Variants in TGFBR3 observed in about 807,000 individuals in gnomAD.
TGFBR3 encodes the protein transforming growth factor beta receptor type 3.
In TGFBR3, 46 loss-of-function variants were observed where a neutral mutation model predicts 87.9. The observed-to-expected ratio is 0.52, with a 90% CI of 0.41 to 0.67. The LOEUF is 0.67. Ranked by LOEUF, TGFBR3 falls within the 30% of genes least tolerant of loss-of-function variation. TGFBR3 has a pLI of 0.00. For missense variants in TGFBR3, 866 were observed against 1,041.9 expected, an observed-to-expected ratio of 0.83 and a Z score of 2.32; for synonymous variants, 381 against 391.6, an observed-to-expected ratio of 0.97 and a Z score of 0.32.
intron 2 of TGFBR3, among the ~76,000 whole-genome samples, chr1:91,894,856 C>T (rs1209191540): frequency 3.3e-5 from 5 of 152,204 alleles, no homozygotes; most frequent in African/African-American, 7.2e-5. Context: ...CTGCAACTTC[C>T]GCCTCCTGGG....
At chr1:91,864,580 T>C (rs1678315625) in intron 1 of TGFBR3, among the ~76,000 whole-genome samples, 1 of 152,172 alleles carries the variant, frequency 6.6e-6, no homozygotes, top group Non-Finnish European at 1.5e-5. Flanking sequence ...CAGAAGGTTT[T>C]TGTCTAATCT....
chr1:91,777,750 G>A (rs12751910), intron 3 of TGFBR3, among the ~76,000 whole-genome samples: 41,438 of 152,000 alleles, frequency 0.27, 6,101 homozygotes, highest in Middle Eastern at 0.44. Flanking sequence ...CTACGTCTCC[G>A]TACTTTCTGT....
intron 1 of TGFBR3, chr1:91,864,041 C>A (rs778463510): frequency 6.6e-6 from 1 of 152,156 alleles, no homozygotes; most frequent in Non-Finnish European, 1.5e-5. Flanking sequence ...AAGGAAAAAC[C>A]TCTCTGAAAC....
chr1:91,734,404 T>C (rs1451027885), intron 5 of TGFBR3, among the ~76,000 whole-genome samples: 3 of 152,202 alleles, frequency 2.0e-5, no homozygotes, highest in African/African-American at 7.2e-5. Flanking sequence ...TGCTGACCCA[T>C]TCATTCTGCC....
intron 1 of TGFBR3, among the ~76,000 whole-genome samples, chr1:91,877,899 G>A (rs941049961): frequency 2.6e-5 from 4 of 152,078 alleles, no homozygotes; most frequent in African/African-American, 9.7e-5. Flanking sequence ...AAAATGAATA[G>A]GAATGTCTAT....
intron 10 of TGFBR3, among the ~76,000 whole-genome samples, chr1:91,718,232 C>T (rs370521447): frequency 6.6e-6 from 1 of 152,166 alleles, no homozygotes; most frequent in African/African-American, 2.4e-5. Context: ...TCAGTTTCCT[C>T]ACCTGTGAAA....
intron 3 of TGFBR3, among the ~76,000 whole-genome samples, chr1:91,784,349 A>G (rs554048332): frequency 2.6e-5 from 4 of 152,318 alleles, no homozygotes; most frequent in Admixed American, 1.3e-4. Context: ...ACTTTCAGTT[A>G]TACTCTAAAT....
At chr1:91,858,135 T>C (rs1373822753) in intron 2 of TGFBR3, among the ~76,000 whole-genome samples, 3 of 152,196 alleles carry the variant, frequency 2.0e-5, no homozygotes, top group Admixed American at 2.0e-4. Context: ...AGAGTATTTA[T>C]GAGGATGAAA....
At chr1:91,725,236 C>T (rs973866607) in intron 7 of TGFBR3, among the ~76,000 whole-genome samples, 5 of 152,108 alleles carry the variant, frequency 3.3e-5, no homozygotes, top group Admixed American at 6.5e-5. Context: ...GCCCCACCCC[C>T]GACACACACA....
chr1:91,826,982 G>A (rs1005966712), intron 2 of TGFBR3, among the ~76,000 whole-genome samples: 5 of 152,062 alleles, frequency 3.3e-5, no homozygotes, highest in African/African-American at 7.2e-5. Flanking sequence ...AGATTTTAAC[G>A]GAGAAAAAAA....
In TGFBR3 at chr1:91,821,443, T is replaced by C. The variant is rs563567330; in HGVS notation, c.62-23972A>G. On this transcript the variant is annotated intron_variant, in intron 2 of 16. Coordinates refer to ENST00000212355, the MANE Select transcript of TGFBR3 (RefSeq NM_003243.5). ...AATGTGTTTTTGAATATTACTTAGA[T>C]AATTAAAAATTTAAAAATATGCTCT... 9.2e-5 allele frequency among the ~76,000 whole-genome samples: 14 copies of C among 152,216 alleles called. No homozygotes were observed. The South Asian group carries it at 2.9e-3, about 32-fold the overall frequency.
rs940001915 is a variant in TGFBR3, at chr1:91,681,387, A to AT, written c.*2351dup. 5 of 404,210 alleles carry AT rather than the reference A, an allele frequency of 1.2e-5. No homozygotes were observed. The highest frequency in any genetic ancestry group is 4.2e-5 in the African/African-American group (2 of 47,842). The allele number at this position is 404,210 out of a possible 1,614,324, so 25.0% of individuals were successfully genotyped here. On this transcript the variant is annotated 3_prime_UTR_variant, in exon 17 of 17. Coordinates refer to ENST00000212355, the MANE Select transcript of TGFBR3 (RefSeq NM_003243.5). ...ATGAGACCCAAACAAATAAAAGGTG[A>AT]TTTTTTTCCTCTCTCTCTCTTTTAA... is the stretch of plus-strand genomic sequence containing the variant.
intron 4 of TGFBR3, among the ~76,000 whole-genome samples, chr1:91,740,341 A>C (rs567631037): frequency 2.2e-4 from 32 of 145,296 alleles, no homozygotes; most frequent in African/African-American, 7.7e-4. Flanking sequence ...TTACAGGTGT[A>C]AGCCACCACA....
At chr1:91,740,331 T>C (rs2100839883) in intron 4 of TGFBR3, among the ~76,000 whole-genome samples, 1 of 151,666 alleles carries the variant, frequency 6.6e-6, no homozygotes, top group Non-Finnish European at 1.5e-5. Context: ...AGTGCTGGGA[T>C]TACAGGTGTA....
At chr1:91,891,906 T>C (rs1013178033) in intron 2 of TGFBR3, among the ~76,000 whole-genome samples, 15 of 152,202 alleles carry the variant, frequency 9.9e-5, no homozygotes, top group African/African-American at 3.1e-4. Flanking sequence ...ATCTACGAGA[T>C]TAGAATTTGG....
chr1:91,852,430 C>G (rs531525693), intron 2 of TGFBR3, among the ~76,000 whole-genome samples: 1 of 152,326 alleles, frequency 6.6e-6, no homozygotes, highest in East Asian at 1.9e-4. Flanking sequence ...TGTTTGCACA[C>G]GCATGCACGC....
chr1:91,848,422 C>A (rs1166506335), intron 2 of TGFBR3, among the ~76,000 whole-genome samples: 1 of 152,176 alleles, frequency 6.6e-6, no homozygotes, highest in Non-Finnish European at 1.5e-5. Context: ...TTGTTTATAA[C>A]CTCAAACTCC....
chr1:91,680,786 A>G lies in TGFBR3; in HGVS notation c.*2953T>C, dbSNP rs1180516799. 2.2e-6 allele frequency: 1 copy of G among 454,094 alleles called. No homozygotes were observed. 28.1% of individuals were successfully genotyped at this position (454,094 alleles called of 1,614,324 possible). A position where few individuals can be genotyped will look rare whatever the true frequency, so the allele number is the denominator to read the frequency against. On this transcript the variant is annotated 3_prime_UTR_variant, in exon 17 of 17. Transcript: ENST00000212355. Reference sequence around the variant, plus strand: ...ACTGGCACGCGTGTGAGCACCCCACACACACTCACAATCATGCCCACTAAG... The same window carrying G: ...ACTGGCACGCGTGTGAGCACCCCACGCACACTCACAATCATGCCCACTAAG...
intron 4 of TGFBR3, among the ~76,000 whole-genome samples, chr1:91,748,401 C>T (rs1673420488): frequency 6.6e-6 from 1 of 152,178 alleles, no homozygotes; most frequent in African/African-American, 2.4e-5. Flanking sequence ...AGAAACGCTC[C>T]AACTGGGACC....
Sources: gnomAD v4.1 joint callset for allele counts (sites outside exome capture counted in the v4.1 genomes callset) on GRCh38, gnomAD v4.1.1 for gene constraint, MANE v1.5 for transcripts, NCBI Gene and HGNC (gene_info 2026-07-23, HGNC 2026-07-21) for gene names.